FMR1: variants seen among roughly 807,000 people sequenced by gnomAD.
FMR1 encodes fragile X messenger ribonucleoprotein 1.
A neutral mutation model predicts 50.6 loss-of-function variants in FMR1; 13 were observed. The observed-to-expected ratio is 0.26, with a 90% confidence interval of 0.17 to 0.41. The LOEUF is 0.41. Among genes scored for constraint, FMR1 ranks in the 10% least tolerant of loss-of-function variants. The probability of loss-of-function intolerance (pLI) is 1.00; values close to 1 mark genes in which losing one functional copy is unlikely to be tolerated. For missense variants in FMR1, 316 were observed against 491.3 expected (o/e 0.64, Z 3.37); for synonymous variants, 138 against 164.1 (o/e 0.84, Z 1.22).
chrX:147,945,297 C>G (rs2124573271), intron 15 of FMR1, among the ~76,000 whole-genome samples: 1 of 112,158 alleles, frequency 8.9e-6, no homozygotes, highest in African/African-American at 3.2e-5. Flanking sequence ...TGGGTCTAAA[C>G]AGCATCCCTT....
intron 10 of FMR1, among the ~76,000 whole-genome samples, chrX:147,937,076 C>T (rs1355328496): frequency 1.8e-5 from 2 of 111,255 alleles, no homozygotes; most frequent in Non-Finnish European, 3.8e-5. Context: ...TATTTCTGTG[C>T]TTAATATCTC....
chrX:147,943,042 C>T, intron 13 of FMR1, 89 bp from the exon 14 acceptor site: 1 of 732,234 alleles, frequency 1.4e-6, no homozygotes, highest in South Asian at 2.4e-5. Context: ...TGAAATATTC[C>T]AGTATATTTT....
chrX:147,932,902 C>A, intron 9 of FMR1, 139 bp downstream of exon 9: 1 of 467,620 alleles, frequency 2.1e-6, no homozygotes, highest in South Asian at 3.3e-5. Flanking sequence ...ATGATCTGTT[C>A]TTTTTTTTTA....
At chrX:147,935,297 A>G (rs1211298411) in intron 9 of FMR1, among the ~76,000 whole-genome samples, 3 of 112,022 alleles carry the variant, frequency 2.7e-5, no homozygotes, top group Admixed American at 9.5e-5. Context: ...CTAGGGGTGA[A>G]TGAGGCAGCC....
At chrX:147,944,628 A>G (rs1214997280) in intron 14 of FMR1, 2 of 1,026,656 alleles carry the variant, frequency 1.9e-6, no homozygotes, top group Non-Finnish European at 2.5e-6. Flanking sequence ...CTAATAACAT[A>G]CCTTTTTAAA....
At chrX:147,912,476 C>G (rs1322107696) in intron 1 of FMR1, among the ~76,000 whole-genome samples, 3 of 111,722 alleles carry the variant, frequency 2.7e-5, no homozygotes, top group African/African-American at 9.8e-5. Context: ...TCTCTTTCGG[C>G]GCCGAGCCCC....
At chrX:147,938,039 G>C (rs2043851548) in intron 11 of FMR1, 60 bp from the exon 12 acceptor site, 1 of 921,659 alleles carries the variant, frequency 1.1e-6, no homozygotes, top group African/African-American at 1.9e-5. Flanking sequence ...CTGCGTTCAG[G>C]CTTCTGTGTA....
chrX:147,926,049 G>A (rs1310703062), intron 3 of FMR1, among the ~76,000 whole-genome samples: 1 of 112,360 alleles, frequency 8.9e-6, no homozygotes, highest in Non-Finnish European at 1.9e-5. Context: ...TTAAGTAGCA[G>A]TGAATCTTCT....
At chrX:147,933,908 T>G (rs1008193361) in intron 9 of FMR1, among the ~76,000 whole-genome samples, 1 of 112,307 alleles carries the variant, frequency 8.9e-6, no homozygotes, top group Non-Finnish European at 1.9e-5. Context: ...CAAAGAAAAT[T>G]AGCTTGAAGA....
At position 147,925,596 on chromosome X, in the gene FMR1, G is replaced by A; in HGVS notation, c.161G>A (p.Gly54Asp). 1 of 1,203,313 alleles carries A rather than the reference G, an allele frequency of 8.3e-7. No individual in the cohort carries two copies. Among genetic ancestry groups the A allele is most frequent in the Non-Finnish European group, 1.1e-6 (1 of 888,012 alleles). The stretch of plus-strand genomic sequence containing the variant: ...GATGTCAGATTCCCACCTCCTGTAG[G>A]TTATAATAAAGATATAAATGAAAGT... ...FHDVRFPPPV[G>D]YNKDINESDE... is the part of the protein sequence containing the mutation. The change falls in exon 3 of 17, where the codon GGT (glycine) becomes GAT (aspartate). Residue 54 changes from glycine to aspartate, a missense_variant. Coordinates refer to ENST00000370475, the MANE Select transcript of FMR1 (RefSeq NM_002024.6).
chrX:147,929,893 A>G, intron 5 of FMR1, 55 bp from the exon 6 acceptor site: 1 of 808,072 alleles, frequency 1.2e-6, no homozygotes, highest in Non-Finnish European at 1.8e-6. Context: ...GCCTGCATTT[A>G]TTTATGTCAG....
In FMR1 at chrX:147,925,647, G is replaced by T; in HGVS notation, c.198+14G>T. On this transcript the variant is annotated intron_variant, in intron 3 of 16. Coordinates refer to ENST00000370475, the MANE Select transcript of FMR1 (RefSeq NM_002024.6). ...GATGAAGTTGAGGTGAGTTTTCCCT[G>T]CCATAAAGTCATTTAGCACTGAAAG... 2 of 1,063,003 alleles carry T rather than the reference G, an allele frequency of 1.9e-6. No homozygotes were observed. Among genetic ancestry groups the T allele is most frequent in the Non-Finnish European group, 2.6e-6 (2 of 760,044 alleles). 87.6% of individuals were successfully genotyped at this position (1,063,003 alleles called of 1,213,427 possible). A position where few individuals can be genotyped will look rare whatever the true frequency, so the allele number is the denominator to read the frequency against.
intron 1 of FMR1, among the ~76,000 whole-genome samples, chrX:147,917,788 T>A (rs2042950791): frequency 9.0e-6 from 1 of 111,525 alleles, no homozygotes; most frequent in African/African-American, 3.3e-5. Context: ...GAGTTCCTTA[T>A]TTGCAGATGA....
chrX:147,929,821 T>C (rs1557178306), intron 5 of FMR1, 127 bp from the exon 6 acceptor site: 1 of 488,319 alleles, frequency 2.0e-6, no homozygotes, highest in Non-Finnish European at 3.6e-6. Flanking sequence ...TCTAAATGGA[T>C]ATAGCATATT....
At chrX:147,934,428 C>G (rs1557179327) in intron 9 of FMR1, among the ~76,000 whole-genome samples, 1 of 110,533 alleles carries the variant, frequency 9.0e-6, no homozygotes. Flanking sequence ...TAGGATCCAC[C>G]TCATAGAGTT....
chrX:147,925,227 A>T (rs1735733475), intron 2 of FMR1, among the ~76,000 whole-genome samples: 1 of 112,162 alleles, frequency 8.9e-6, no homozygotes, highest in South Asian at 3.7e-4. Flanking sequence ...TCTGTTGTGG[A>T]CTTATGTTTA....
Position 147,943,295 on chromosome X carries a change from G to A in FMR1, c.1440G>A (p.Gly480=). 8.3e-7 allele frequency: 1 copy of A among 1,210,127 alleles called. No individual in the cohort carries two copies. Among genetic ancestry groups the A allele is most frequent in the Non-Finnish European group, 1.1e-6 (1 of 894,364 alleles). The change falls in exon 14 of 17, where the codon GGG becomes GGA. Residue 480 remains glycine, a synonymous_variant. Coordinates refer to ENST00000370475, the MANE Select transcript of FMR1 (RefSeq NM_002024.6). ...GRGSRPYRNR[G]HGRRGPGYTS... is the part of the protein sequence containing the mutation. ...GTAGTAGACCTTACAGAAATAGGGG[G>A]CACGGCAGACGCGGTCCTGGATATA... is the stretch of plus-strand genomic sequence containing the variant.
chrX:147,930,882 TC>T (rs2124514339), intron 7 of FMR1: 1 of 111,983 alleles, frequency 8.9e-6, no homozygotes, highest in South Asian at 3.7e-4. Flanking sequence ...GAGTTCGTCA[TC>T]ATTATTCATT....
At chrX:147,915,469 G>A (rs2042811079) in intron 1 of FMR1, among the ~76,000 whole-genome samples, 1 of 110,918 alleles carries the variant, frequency 9.0e-6, no homozygotes, top group African/African-American at 3.3e-5. Context: ...GAATTATTGG[G>A]GTCAACCACA....
Sources: allele counts gnomAD v4.1 joint callset (sites outside exome capture counted in the v4.1 genomes callset), GRCh38; gene constraint gnomAD v4.1.1; transcripts MANE v1.5; gene names NCBI Gene and HGNC (gene_info 2026-07-23, HGNC 2026-07-21).